Variants in LIX1L observed in about 807,000 individuals in gnomAD.
LIX1L encodes limb and CNS expressed 1 like.
In LIX1L, 20 loss-of-function variants were observed where a neutral mutation model predicts 34.0. That is an observed-to-expected ratio of 0.59 (90% CI 0.41 to 0.85). The LOEUF is 0.85. Ranked by LOEUF, LIX1L falls within the 40% of genes least tolerant of loss-of-function variation. The pLI, the probability that LIX1L is intolerant of heterozygous loss-of-function variation, is 0.00. For missense variants in LIX1L, 397 were observed against 447.0 expected (o/e 0.89, Z 1.01); for synonymous variants, 170 against 187.4 (o/e 0.91, Z 0.76).
intron 1 of LIX1L, among the ~76,000 whole-genome samples, chr1:145,956,379 T>C (rs1443331380): frequency 6.6e-6 from 1 of 152,218 alleles, no homozygotes; most frequent in Non-Finnish European, 1.5e-5. Context: ...TAAGGAACTA[T>C]GAACCAACAA....
chr1:145,949,297 C>T (rs587768345), intron 1 of LIX1L, among the ~76,000 whole-genome samples: 2 of 152,316 alleles, frequency 1.3e-5, no homozygotes, highest in Non-Finnish European at 2.9e-5. Flanking sequence ...GTCGGCGTAT[C>T]TGACCTAGTT....
Position 145,933,536 on chromosome 1 carries a change from A to C in LIX1L, c.*2774T>G, listed in dbSNP as rs1228636364. 1.3e-5 allele frequency: 2 copies of C among 152,202 alleles called. No homozygotes were observed. Among genetic ancestry groups the C allele is most frequent in the Non-Finnish European group, 2.9e-5 (2 of 68,038 alleles). 9.4% of individuals were successfully genotyped at this position (152,202 alleles called of 1,614,324 possible). On this transcript the variant is annotated 3_prime_UTR_variant, in exon 6 of 6. Transcript: ENST00000604000. The stretch of plus-strand genomic sequence containing the variant: ...ACCAGAAGTGGACAGATCAGGAAAC[A>C]ATTTTTCTCAAGTTATTTGGGATCT...
At chr1:145,942,682 C>A in intron 3 of LIX1L, 31 bp downstream of exon 3, 1 of 1,610,322 alleles carries the variant, frequency 6.2e-7, no homozygotes, top group Non-Finnish European at 8.5e-7. Flanking sequence ...CCATCTCCCA[C>A]TCTCCTTCCT....
intron 2 of LIX1L, among the ~76,000 whole-genome samples, chr1:145,943,174 A>G (rs1302289067): frequency 6.6e-6 from 1 of 152,230 alleles, no homozygotes; most frequent in Non-Finnish European, 1.5e-5. Flanking sequence ...TGTCGACAGA[A>G]TTAGTTACTC....
At chr1:145,938,282 T>A (rs1648744029) in intron 3 of LIX1L, among the ~76,000 whole-genome samples, 1 of 152,202 alleles carries the variant, frequency 6.6e-6, no homozygotes, top group South Asian at 2.1e-4. Context: ...AGTGTGGAAA[T>A]TCTGGGTAGC....
At chr1:145,955,022 T>C (rs1553760216) in intron 1 of LIX1L, among the ~76,000 whole-genome samples, 1 of 152,236 alleles carries the variant, frequency 6.6e-6, no homozygotes, top group Non-Finnish European at 1.5e-5. Flanking sequence ...TGCTCTGTAA[T>C]GTAAACTGTG....
At chr1:145,955,600 T>C (rs115995913) in intron 1 of LIX1L, among the ~76,000 whole-genome samples, 5,456 of 152,260 alleles carry the variant, frequency 0.036, 157 homozygotes, top group Non-Finnish European at 0.054. Context: ...TGCCTAAGAA[T>C]TGAAGCAGAA....
At position 145,942,764 on chromosome 1, in the gene LIX1L, G is replaced by A. The variant is rs1553758829; in HGVS notation, c.546C>T (p.Ile182=). ...SVFNEHPSRR[I]TDEFIEKSVS... is the part of the protein sequence containing the mutation. ...CACTCTTCTCGATGAACTCATCAGT[G>A]ATTCTTCGGGAAGGATGTTCATTAA... The change falls in exon 3 of 6, where the codon ATC becomes ATT. Residue 182 remains isoleucine, a synonymous_variant. Coordinates refer to ENST00000604000, the MANE Select transcript of LIX1L (RefSeq NM_153713.3). 2.5e-6 allele frequency: 4 copies of A among 1,613,918 alleles called. No individual in the cohort carries two copies. The South Asian group carries it at 4.4e-5, about 18-fold the overall frequency.
At chr1:145,957,311 T>G (rs1426631448) in intron 1 of LIX1L, among the ~76,000 whole-genome samples, 1 of 152,184 alleles carries the variant, frequency 6.6e-6, no homozygotes, top group East Asian at 1.9e-4. Context: ...CAATGAGGAC[T>G]GGTTCTCAAA....
chr1:145,957,712 G>C lies in LIX1L; in HGVS notation c.216C>G (p.Gly72=). 1 of 1,488,700 alleles carries C rather than the reference G, an allele frequency of 6.7e-7. No individual in the cohort carries two copies. The highest frequency in any genetic ancestry group is 8.9e-7 in the Non-Finnish European group (1 of 1,124,652). 92.2% of individuals were successfully genotyped at this position (1,488,700 alleles called of 1,614,324 possible). The change falls in exon 1 of 6, where the codon GGC becomes GGG. Residue 72 remains glycine (G), a synonymous_variant. Transcript: ENST00000604000. ...CGGCCTCTCGCAGCACTGCCGGGCT[G>C]CCGGCGGCGCCGGGGGGCAGGGGTA... ...PGLPLPPGAA[G]SPAVLREAVE... is the part of the protein sequence containing the mutation.
chr1:145,946,929 T>TAAA (rs1323575497), intron 2 of LIX1L, among the ~76,000 whole-genome samples: 1 of 152,202 alleles, frequency 6.6e-6, no homozygotes, highest in African/African-American at 2.4e-5. Context: ...GTCTGCAATG[T>TAAA]AAAAAATCCA....
chr1:145,954,300 T>A (rs1649397280), intron 1 of LIX1L, among the ~76,000 whole-genome samples: 1 of 152,086 alleles, frequency 6.6e-6, no homozygotes, highest in South Asian at 2.1e-4. Flanking sequence ...AGAGAACAAA[T>A]TTCTGTTGGT....
chr1:145,946,232 T>C lies in LIX1L; in HGVS notation c.456+1387A>G, dbSNP rs1360115924. On this transcript the variant is annotated intron_variant, in intron 2 of 5. Coordinates refer to ENST00000604000, the MANE Select transcript of LIX1L (RefSeq NM_153713.3). ...TTTTTTTTTTGAGCCAGAGTCTCAC[T>C]CTGTTGCCCAGGCTAGAGTGCCGTG... Among the ~76,000 whole-genome samples the C allele has an allele frequency of 4.1e-5, 6 of 146,660 alleles. No homozygotes were observed. In the East Asian group the frequency reaches 1.0e-3, roughly 25 times the overall value.
At chr1:145,947,843 C>T in intron 1 of LIX1L, 61 bp from the exon 2 acceptor site, 1 of 1,469,022 alleles carries the variant, frequency 6.8e-7, no homozygotes, top group Non-Finnish European at 9.5e-7. Context: ...TGGTGCTATA[C>T]TTCAATACAG....
intron 2 of LIX1L, among the ~76,000 whole-genome samples, chr1:145,943,216 T>C (rs1173270483): frequency 6.6e-6 from 1 of 152,178 alleles, no homozygotes; most frequent in Non-Finnish European, 1.5e-5. Flanking sequence ...TTAATAGAAA[T>C]CTGTATCTTG....
chr1:145,947,854 T>C, intron 1 of LIX1L, 72 bp from the exon 2 acceptor site: 1 of 1,364,486 alleles, frequency 7.3e-7, no homozygotes, highest in Non-Finnish European at 1.0e-6. Flanking sequence ...TTCAATACAG[T>C]ACCTGTAACC....
chr1:145,937,171 T>TTAC (rs1553757947), intron 4 of LIX1L, among the ~76,000 whole-genome samples, 186 bp from the exon 5 acceptor site: 34 of 81,164 alleles, frequency 4.2e-4, no homozygotes, highest in South Asian at 2.5e-3. Flanking sequence ...TATTTATTTA[T>TTAC]TTACTTACTT....
At chr1:145,936,781 G>A (rs781962301) in intron 5 of LIX1L, 127 bp downstream of exon 5, 13 of 821,564 alleles carry the variant, frequency 1.6e-5, no homozygotes, top group Non-Finnish European at 2.5e-5. Context: ...AGGGTACTTA[G>A]GTAAGGCTTT....
At chr1:145,954,733 A>AT (rs1649411158) in intron 1 of LIX1L, among the ~76,000 whole-genome samples, 2 of 152,240 alleles carry the variant, frequency 1.3e-5, no homozygotes, top group Non-Finnish European at 2.9e-5. Flanking sequence ...AATGCAGAAC[A>AT]GTACCTATCA....
Sources: gnomAD v4.1 joint callset for allele counts (sites outside exome capture counted in the v4.1 genomes callset) on GRCh38, gnomAD v4.1.1 for gene constraint, MANE v1.5 for transcripts, NCBI Gene and HGNC (gene_info 2026-07-23, HGNC 2026-07-21) for gene names.